The following JPH1 variants were observed in gnomAD, a reference collection of about 807,000 sequenced individuals.
JPH1 encodes junctophilin-1.
Under a neutral mutation model 53.6 loss-of-function variants are expected in JPH1, and 12 were observed. That is an observed-to-expected ratio of 0.22 (90% CI 0.14 to 0.36). The LOEUF (loss-of-function observed/expected upper bound fraction) is 0.36. JPH1 is among the 10% of genes least tolerant of loss of function. The pLI is 1.00. For synonymous variants in JPH1, 375 were observed against 363.8 expected, an observed-to-expected ratio of 1.03 and a Z score of -0.35; for missense variants, 808 against 905.5, an observed-to-expected ratio of 0.89 and a Z score of 1.38.
chr8:74,298,785 G>A (rs1807591169), intron 2 of JPH1, among the ~76,000 whole-genome samples: 1 of 152,132 alleles, frequency 6.6e-6, no homozygotes, highest in South Asian at 2.1e-4. Flanking sequence ...AGAAATATGA[G>A]TAGTCATACC....
chr8:74,271,621 A>G (rs1190049826), intron 2 of JPH1, among the ~76,000 whole-genome samples: 1 of 152,196 alleles, frequency 6.6e-6, no homozygotes, highest in Non-Finnish European at 1.5e-5. Flanking sequence ...GCTCTCTAGG[A>G]TCCTGGTGGA....
chr8:74,280,869 A>G (rs541725694), intron 2 of JPH1, among the ~76,000 whole-genome samples: 5 of 152,216 alleles, frequency 3.3e-5, no homozygotes, highest in Admixed American at 1.3e-4. Context: ...CACTTTATGA[A>G]CAAATCATTA....
chr8:74,260,611 G>A (rs896147652), intron 2 of JPH1, among the ~76,000 whole-genome samples: 7 of 125,100 alleles, frequency 5.6e-5, no homozygotes, highest in African/African-American at 2.1e-4. Context: ...GCAGGAGAGA[G>A]GAGGAGTTGG....
At chr8:74,298,367 A>G (rs780880353) in intron 2 of JPH1, among the ~76,000 whole-genome samples, 4 of 152,126 alleles carry the variant, frequency 2.6e-5, no homozygotes, top group Admixed American at 6.5e-5. Flanking sequence ...TCAAGGGTGC[A>G]GTTCTTTATT....
At chr8:74,307,706 GA>G (rs201823301) in intron 2 of JPH1, among the ~76,000 whole-genome samples, 8 of 150,884 alleles carry the variant, frequency 5.3e-5, no homozygotes, top group South Asian at 2.1e-4. Flanking sequence ...AGCACCAGAA[GA>G]AAAAAAAATC....
chr8:74,319,128 T>C (rs1457143075), intron 1 of JPH1, among the ~76,000 whole-genome samples: 1 of 152,180 alleles, frequency 6.6e-6, no homozygotes, highest in Non-Finnish European at 1.5e-5. Context: ...TTTGGGTTTC[T>C]ACGACATGTA....
intron 3 of JPH1, among the ~76,000 whole-genome samples, chr8:74,250,038 C>T (rs1367503644): frequency 2.0e-5 from 3 of 152,186 alleles, no homozygotes; most frequent in African/African-American, 7.2e-5. Flanking sequence ...TTCTTTAACT[C>T]ATGCTCAGCC....
rs1805815200 is a variant in JPH1 at position 74,245,024 on chromosome 8, G to T, written c.1410C>A (p.Pro470=). 1.2e-6 allele frequency: 2 copies of T among 1,613,892 alleles called. No individual in the cohort carries two copies. The highest frequency in any genetic ancestry group is 2.2e-5 in the South Asian group (2 of 91,050). ...AGGAAGCAGGAGAGTGGCTGTGTTT[G>T]GGACTTGCCTCAGGAGATCTTGGGG... ...TTPPRSPEAS[P]KHSHSPASSP... The change falls in exon 4 of 6, where the codon CCC becomes CCA. Residue 470 remains proline, a synonymous_variant. Coordinates refer to ENST00000342232, the MANE Select transcript of JPH1 (RefSeq NM_020647.4).
intron 4 of JPH1, among the ~76,000 whole-genome samples, chr8:74,239,822 T>G (rs1005278796): frequency 6.6e-6 from 1 of 152,208 alleles, no homozygotes; most frequent in African/African-American, 2.4e-5. Flanking sequence ...TTCTGGAGAT[T>G]TAAAAAATTT....
At chr8:74,272,078 C>A (rs1049009236) in intron 2 of JPH1, among the ~76,000 whole-genome samples, 5 of 152,192 alleles carry the variant, frequency 3.3e-5, no homozygotes, top group Non-Finnish European at 5.9e-5. Context: ...TCCTGCTGTC[C>A]TTGTCTTCCT....
intron 2 of JPH1, among the ~76,000 whole-genome samples, chr8:74,285,060 T>G (rs1376497543): frequency 6.6e-6 from 1 of 152,214 alleles, no homozygotes; most frequent in East Asian, 1.9e-4. Context: ...CCTGACCTTG[T>G]AATCCACCCA....
In JPH1 at chr8:74,320,823, C is replaced by G. The variant is rs1808296631; in HGVS notation, c.379+86G>C. The G allele has an allele frequency of 1.4e-6, 2 of 1,382,114 alleles. No individual in the cohort carries two copies. Among genetic ancestry groups the G allele is most frequent in the Non-Finnish European group, 1.9e-6 (2 of 1,063,400 alleles). The allele number at this position is 1,382,114 out of a possible 1,614,324, so 85.6% of individuals were successfully genotyped here. A position where few individuals can be genotyped will look rare whatever the true frequency, so the allele number is the denominator to read the frequency against. On this transcript the variant is annotated intron_variant, in intron 1 of 5. Coordinates refer to ENST00000342232, the MANE Select transcript of JPH1 (RefSeq NM_020647.4). The surrounding 1 kb of genome is among the most constrained non-coding windows in gnomAD (Gnocchi z 4.4). ...TGGCGGGTTTCCGGACACGTGCGCCCGGCGTCCTCCCCGCTTCCCCGCAGC... is the reference window on the plus strand; with the variant it reads ...TGGCGGGTTTCCGGACACGTGCGCCGGGCGTCCTCCCCGCTTCCCCGCAGC...
chr8:74,245,181 C>T lies in JPH1; in HGVS notation c.1259-6G>A. 2 of 1,251,820 alleles carry T rather than the reference C, an allele frequency of 1.6e-6. No homozygotes were observed. Among genetic ancestry groups the T allele is most frequent in the Non-Finnish European group, 1.0e-6 (1 of 956,402 alleles). 77.5% of individuals were successfully genotyped at this position (1,251,820 alleles called of 1,614,324 possible). On this transcript the variant is annotated splice_polypyrimidine_tract_variant and splice_region_variant and intron_variant, in intron 3 of 5. Coordinates refer to ENST00000342232, the MANE Select transcript of JPH1 (RefSeq NM_020647.4). Reference sequence around the variant, plus strand: ...CTGTTTGACGTAATCAGGGCCTGGCCAAAAAAAAAAGAAAAAAGAAAAAAA... The same window carrying T: ...CTGTTTGACGTAATCAGGGCCTGGCTAAAAAAAAAAGAAAAAAGAAAAAAA...
At chr8:74,243,212 C>A (rs184942973) in intron 4 of JPH1, among the ~76,000 whole-genome samples, 193 of 152,244 alleles carry the variant, frequency 1.3e-3, no homozygotes, top group Non-Finnish European at 2.3e-3. Context: ...TTACATTTAA[C>A]AAATTCAATA....
intron 2 of JPH1, among the ~76,000 whole-genome samples, chr8:74,293,972 C>T (rs759145609): frequency 2.6e-5 from 4 of 152,158 alleles, no homozygotes; most frequent in Admixed American, 6.6e-5. Context: ...TTTTGTAGAG[C>T]GCAGACCAGG....
chr8:74,277,137 T>C (rs1806871573), intron 2 of JPH1, among the ~76,000 whole-genome samples: 1 of 152,250 alleles, frequency 6.6e-6, no homozygotes, highest in South Asian at 2.1e-4. Context: ...CCAAACCCGC[T>C]CTAGCAAGCA....
At chr8:74,298,341 T>G (rs1807579533) in intron 2 of JPH1, among the ~76,000 whole-genome samples, 2 of 152,130 alleles carry the variant, frequency 1.3e-5, no homozygotes, top group Non-Finnish European at 2.9e-5. Flanking sequence ...ACAAGATGGG[T>G]TTTCCTTTAC....
chr8:74,273,805 G>A (rs1166087205), intron 2 of JPH1, among the ~76,000 whole-genome samples: 2 of 152,092 alleles, frequency 1.3e-5, no homozygotes, highest in Non-Finnish European at 2.9e-5. Flanking sequence ...ACCCTTCTAA[G>A]CTTTTGAGTG....
chr8:74,269,439 C>A (rs1340248086), intron 2 of JPH1, among the ~76,000 whole-genome samples: 2 of 152,186 alleles, frequency 1.3e-5, no homozygotes, highest in African/African-American at 2.4e-5. Context: ...CTGTTTATTT[C>A]ACATTTGTTT....
Sources: gnomAD v4.1 joint callset for allele counts (sites outside exome capture counted in the v4.1 genomes callset) on GRCh38, gnomAD v4.1.1 for gene constraint, Gnocchi (gnomAD v3.1) non-coding constraint, MANE v1.5 for transcripts, NCBI Gene and HGNC (gene_info 2026-07-23, HGNC 2026-07-21) for gene names.